The following GABRA3 variants were observed in gnomAD, a reference collection of about 807,000 sequenced individuals.
GABRA3 encodes the protein gamma-aminobutyric acid type A receptor subunit alpha3, also known as gamma-aminobutyric acid receptor subunit alpha-3.
Under a neutral mutation model 30.1 loss-of-function variants are expected in GABRA3, and 10 were observed. That is an observed-to-expected ratio of 0.33 (90% CI 0.20 to 0.56). GABRA3 has a LOEUF of 0.56. Among genes scored for constraint, GABRA3 ranks in the 20% least tolerant of loss-of-function variants. The probability of loss-of-function intolerance (pLI) is 0.89; values close to 1 mark genes in which losing one functional copy is unlikely to be tolerated. For synonymous variants in GABRA3, 151 were observed against 146.8 expected, an observed-to-expected ratio of 1.03 and a Z score of -0.21; for missense variants, 233 against 392.0, an observed-to-expected ratio of 0.59 and a Z score of 3.42.
intron 9 of GABRA3, among the ~76,000 whole-genome samples, chrX:152,179,351 C>T (rs949355220): frequency 4.5e-5 from 5 of 110,859 alleles, no homozygotes; most frequent in Non-Finnish European, 9.4e-5. Context: ...CAGAACATTG[C>T]TATTAACTAC....
At chrX:152,375,220 A>G (rs1033578174) in intron 1 of GABRA3, among the ~76,000 whole-genome samples, 11 of 112,160 alleles carry the variant, frequency 9.8e-5, no homozygotes, top group African/African-American at 3.6e-4. Context: ...TCCCCGCTTC[A>G]AACTATACTA....
rs1928759946 is a variant in GABRA3 at position 152,369,333 on chromosome X, T to C, written c.-26-4737A>G. Among the ~76,000 whole-genome samples, 7 of 93,369 alleles carry C rather than the reference T, an allele frequency of 7.5e-5. No homozygotes were observed. In the Admixed American group the frequency reaches 9.0e-4, roughly 12 times the overall value. 81.1% of individuals were successfully genotyped at this position (93,369 alleles called of 115,157 possible). ...CCTTGAAACATCATGTTGTACATGG[T>C]AAATGCATGCAATTTTTATCTGTCA... On this transcript the variant is annotated intron_variant, in intron 1 of 9. Coordinates refer to ENST00000370314, the MANE Select transcript of GABRA3 (RefSeq NM_000808.4).
At chrX:152,427,364 G>C (rs1930538539) in intron 1 of GABRA3, among the ~76,000 whole-genome samples, 1 of 111,249 alleles carries the variant, frequency 9.0e-6, no homozygotes, top group Non-Finnish European at 1.9e-5. Flanking sequence ...TTACTTCCTA[G>C]AATGCAGCAT....
At chrX:152,416,905 C>T (rs1373630051) in intron 1 of GABRA3, among the ~76,000 whole-genome samples, 20 of 105,517 alleles carry the variant, frequency 1.9e-4, no homozygotes, top group African/African-American at 7.0e-5. Flanking sequence ...AACGTTAGAC[C>T]TAAAACCATA....
rs1180647129 is a variant in GABRA3 at position 152,284,742 on chromosome X, G to T, written c.263-7C>A. 1.7e-6 allele frequency: 2 copies of T among 1,171,094 alleles called. No homozygotes were observed. Among genetic ancestry groups the T allele is most frequent in the Admixed American group, 2.2e-5 (1 of 45,018 alleles). On this transcript the variant is annotated splice_region_variant and splice_polypyrimidine_tract_variant and intron_variant, in intron 3 of 9. Transcript: ENST00000370314. ...TTCACTTCAGTCACTGCATCTGCGT[G>T]AAAGAAAGTAGAAAAGCAGAATGTC...
At chrX:152,367,624 T>C (rs1928692563) in intron 1 of GABRA3, among the ~76,000 whole-genome samples, 4 of 111,643 alleles carry the variant, frequency 3.6e-5, no homozygotes, top group Non-Finnish European at 7.5e-5. Context: ...CTTAAACTCA[T>C]ATCGTAACTC....
intron 3 of GABRA3, among the ~76,000 whole-genome samples, chrX:152,301,041 A>G (rs1343207961): frequency 8.9e-6 from 1 of 112,255 alleles, no homozygotes; most frequent in African/African-American, 3.2e-5. Flanking sequence ...AACATAAAAC[A>G]GAAAGATTAA....
At chrX:152,310,263 C>A (rs1423588957) in intron 3 of GABRA3, among the ~76,000 whole-genome samples, 1 of 112,170 alleles carries the variant, frequency 8.9e-6, no homozygotes. Flanking sequence ...AGGACCTAAA[C>A]TTGACACTTA....
intron 1 of GABRA3, among the ~76,000 whole-genome samples, chrX:152,372,071 C>T (rs1039651681): frequency 9.0e-6 from 1 of 111,438 alleles, no homozygotes; most frequent in Non-Finnish European, 1.9e-5. Flanking sequence ...AAACCACCCC[C>T]ATGACTGCAA....
At chrX:152,338,985 A>C (rs1202655992) in intron 3 of GABRA3, among the ~76,000 whole-genome samples, 1 of 109,983 alleles carries the variant, frequency 9.1e-6, no homozygotes, top group Non-Finnish European at 1.9e-5. Flanking sequence ...TTTGTTATTT[A>C]TTTTCAAATT....
At chrX:152,375,996 C>G (rs941938581) in intron 1 of GABRA3, among the ~76,000 whole-genome samples, 6 of 111,899 alleles carry the variant, frequency 5.4e-5, no homozygotes, top group African/African-American at 1.9e-4. Flanking sequence ...TGAGCCTTCC[C>G]GCCCAAAAGG....
At chrX:152,364,026 G>A (rs1011166387) in intron 2 of GABRA3, among the ~76,000 whole-genome samples, 1 of 110,977 alleles carries the variant, frequency 9.0e-6, no homozygotes, top group Non-Finnish European at 1.9e-5. Context: ...GGCTATGAAG[G>A]GGAGCAAATA....
At chrX:152,366,996 G>T (rs1459438359) in intron 1 of GABRA3, among the ~76,000 whole-genome samples, 2 of 111,097 alleles carry the variant, frequency 1.8e-5, no homozygotes, top group East Asian at 5.7e-4. Context: ...TATCCTTTGG[G>T]TAATGATGAT....
At chrX:152,217,588 T>A (rs749384907) in intron 6 of GABRA3, among the ~76,000 whole-genome samples, 2 of 111,683 alleles carry the variant, frequency 1.8e-5, no homozygotes, top group South Asian at 3.6e-4. Context: ...TGGTGAAGCC[T>A]TAGATCTAAT....
At chrX:152,262,296 T>TCC (rs1474483459) in intron 4 of GABRA3, among the ~76,000 whole-genome samples, 1 of 112,679 alleles carries the variant, frequency 8.9e-6, no homozygotes, top group African/African-American at 3.2e-5. Flanking sequence ...AACATTCTGC[T>TCC]CCTTGTTACT....
At chrX:152,269,043 G>A (rs1399669896) in intron 4 of GABRA3, among the ~76,000 whole-genome samples, 1 of 111,944 alleles carries the variant, frequency 8.9e-6, no homozygotes, top group Non-Finnish European at 1.9e-5. Context: ...AAATTGTTCA[G>A]ACTTGTTTTG....
rs561052606 is a variant in GABRA3 at position 152,286,668 on chromosome X, A to T, written c.263-1933T>A. 2.7e-5 allele frequency among the ~76,000 whole-genome samples: 3 copies of T among 111,698 alleles called. No individual in the cohort carries two copies. In the South Asian group the frequency reaches 1.1e-3, roughly 42 times the overall value. ...CGTTGATTTCTCACTTTCCAGAACC[A>T]TTCCTTAGGCTTAATATATTGTGCC... is the stretch of plus-strand genomic sequence containing the variant. On this transcript the variant is annotated intron_variant, in intron 3 of 9. Transcript: ENST00000370314.
intron 3 of GABRA3, among the ~76,000 whole-genome samples, chrX:152,297,531 T>G: frequency 8.9e-6 from 1 of 112,428 alleles, no homozygotes; most frequent in Non-Finnish European, 1.9e-5. Flanking sequence ...CACTTATTAT[T>G]GGTTACTTAT....
intron 2 of GABRA3, among the ~76,000 whole-genome samples, chrX:152,348,984 A>G (rs1432901228): frequency 9.0e-6 from 1 of 111,325 alleles, no homozygotes; most frequent in East Asian, 2.8e-4. Context: ...TGCCTCATCA[A>G]TTGACTCTTC....
Sources: gnomAD v4.1 joint callset for allele counts (sites outside exome capture counted in the v4.1 genomes callset) on GRCh38, gnomAD v4.1.1 for gene constraint, MANE v1.5 for transcripts, NCBI Gene and HGNC (gene_info 2026-07-23, HGNC 2026-07-21) for gene names.